Variants in ATP11A observed in about 807,000 individuals in gnomAD.
ATP11A encodes the protein phospholipid-transporting ATPase IH.
ATP11A carries 81 observed loss-of-function variants against 154.4 expected under a neutral mutation model. The ratio of observed to expected loss-of-function variants is 0.52; its 90% CI spans 0.44 to 0.63. The LOEUF is 0.63. Ranked by LOEUF, ATP11A falls within the 30% of genes least tolerant of loss-of-function variation. The pLI is 0.00. For missense variants in ATP11A, 1,316 were observed against 1,474.3 expected, an observed-to-expected ratio of 0.89 and a Z score of 1.76; for synonymous variants, 623 against 585.9, an observed-to-expected ratio of 1.06 and a Z score of -0.91.
intron 2 of ATP11A, among the ~76,000 whole-genome samples, chr13:112,794,981 C>T (rs868839307): frequency 2.1e-4 from 32 of 152,310 alleles, no homozygotes; most frequent in African/African-American, 7.2e-4. Context: ...CGGTGGCTCA[C>T]GCCTGTAATT....
intron 1 of ATP11A, among the ~76,000 whole-genome samples, chr13:112,719,160 A>G (rs1233260486): frequency 6.6e-6 from 1 of 151,750 alleles, no homozygotes; most frequent in Admixed American, 6.6e-5. Flanking sequence ...TGTGACGCGC[A>G]GGTGTGACTT....
chr13:112,836,306 T>C lies in ATP11A; in HGVS notation c.1705+55T>C, dbSNP rs1594126336. 6.5e-6 allele frequency: 7 copies of C among 1,075,972 alleles called. No homozygotes were observed. In the South Asian group the frequency reaches 9.1e-5, roughly 14 times the overall value. The allele number at this position is 1,075,972 out of a possible 1,614,324, so 66.7% of individuals were successfully genotyped here. ...AGTTATACGTGGTGGTTGTGTTTTA[T>C]TCTGATGACTAAATTCTACAGGAGC... On this transcript the variant is annotated intron_variant, in intron 16 of 29. Coordinates refer to ENST00000375645, the MANE Select transcript of ATP11A (RefSeq NM_015205.3).
At chr13:112,802,949 A>G (rs1302367115) in intron 2 of ATP11A, among the ~76,000 whole-genome samples, 1 of 152,198 alleles carries the variant, frequency 6.6e-6, no homozygotes, top group Non-Finnish European at 1.5e-5. Context: ...TAGGGAGGAC[A>G]TGGAAAGTTA....
chr13:112,772,913 C>T (rs1194410703), intron 1 of ATP11A, among the ~76,000 whole-genome samples: 1 of 152,200 alleles, frequency 6.6e-6, no homozygotes, highest in Non-Finnish European at 1.5e-5. Context: ...GTATATATTC[C>T]AGGTACAATC....
intron 1 of ATP11A, among the ~76,000 whole-genome samples, chr13:112,783,824 G>A (rs1336745022): frequency 3.3e-5 from 5 of 152,196 alleles, no homozygotes; most frequent in Non-Finnish European, 7.3e-5. Flanking sequence ...CAAATGGCCC[G>A]CCTGAGTGTT....
At chr13:112,709,517 C>G (rs1248484021) in intron 1 of ATP11A, among the ~76,000 whole-genome samples, 2 of 152,096 alleles carry the variant, frequency 1.3e-5, no homozygotes, top group Non-Finnish European at 2.9e-5. Context: ...CTCTGAAGTC[C>G]GCTATCTAAG....
intron 29 of ATP11A, chr13:112,881,045 T>G: frequency 4.0e-6 from 4 of 988,488 alleles, no homozygotes; most frequent in Non-Finnish European, 2.4e-6. Context: ...CCCAGGCAGG[T>G]GTGAGTGCAG....
chr13:112,823,149 A>G (rs917683472), intron 8 of ATP11A, among the ~76,000 whole-genome samples, 196 bp from the exon 9 acceptor site: 1 of 152,192 alleles, frequency 6.6e-6, no homozygotes, highest in Admixed American at 6.5e-5. Flanking sequence ...TTCGTCCCCC[A>G]AAGATAAGCC....
At chr13:112,855,085 G>A (rs951233235) in intron 19 of ATP11A, among the ~76,000 whole-genome samples, 4 of 152,230 alleles carry the variant, frequency 2.6e-5, no homozygotes, top group African/African-American at 9.6e-5. Flanking sequence ...TGTACATAAA[G>A]CGAAAGCAGC....
chr13:112,864,505 A>G lies in ATP11A; in HGVS notation c.2991+1930A>G, dbSNP rs1241301335. 3.1e-4 allele frequency among the ~76,000 whole-genome samples: 22 copies of G among 71,876 alleles called. 1 individual carries two copies. Among genetic ancestry groups the G allele is most frequent in the East Asian group, 5.8e-4 (1 of 1,722 alleles). 47.2% of individuals were successfully genotyped at this position (71,876 alleles called of 152,430 possible). On this transcript the variant is annotated intron_variant, in intron 25 of 29. Coordinates refer to ENST00000375645, the MANE Select transcript of ATP11A (RefSeq NM_015205.3). Reference sequence around the variant, plus strand: ...CACCACATGCACAGTAATTCAGTGCAGCCCGTGCAGCTTCCCAGCGGGGTC... The same window carrying G: ...CACCACATGCACAGTAATTCAGTGCGGCCCGTGCAGCTTCCCAGCGGGGTC...
intron 1 of ATP11A, among the ~76,000 whole-genome samples, chr13:112,752,217 A>C (rs2076709892): frequency 6.6e-6 from 1 of 152,226 alleles, no homozygotes; most frequent in African/African-American, 2.4e-5. Context: ...CAGAGAAGTC[A>C]CAACAGTGAC....
At chr13:112,817,096 TACAAG>T (rs1158945674) in intron 6 of ATP11A, among the ~76,000 whole-genome samples, 26 of 152,338 alleles carry the variant, frequency 1.7e-4, no homozygotes, top group African/African-American at 6.3e-4. Flanking sequence ...TTGTCAATCA[TACAAG>T]AAAAGATATA....
rs1020416606 is a variant in ATP11A, at chr13:112,878,472, C to T, written c.*9+169C>T. The T allele has an allele frequency of 4.7e-5, 31 of 656,016 alleles. 1 individual carries two copies. In the Admixed American group the frequency reaches 6.8e-4, roughly 14 times the overall value. The allele number at this position is 656,016 out of a possible 1,614,324, so 40.6% of individuals were successfully genotyped here. ...GCCACCACTTACACCTTCTCATGCACAGACTGATCATGGGCTGTGCTTTCC... is the reference window on the plus strand; with the variant it reads ...GCCACCACTTACACCTTCTCATGCATAGACTGATCATGGGCTGTGCTTTCC... On this transcript the variant is annotated intron_variant, in intron 29 of 29. Transcript: ENST00000375645.
At chr13:112,708,049 G>C (rs192243944) in intron 1 of ATP11A, among the ~76,000 whole-genome samples, 2 of 152,274 alleles carry the variant, frequency 1.3e-5, no homozygotes, top group Admixed American at 1.3e-4. Context: ...CGCACGTCAC[G>C]CAACCAACAC....
chr13:112,728,518 G>C (rs1223540465), intron 1 of ATP11A, among the ~76,000 whole-genome samples: 1 of 145,368 alleles, frequency 6.9e-6, no homozygotes, highest in African/African-American at 2.6e-5. Flanking sequence ...CAGTATCCAC[G>C]CGTGGAGGGG....
intron 25 of ATP11A, among the ~76,000 whole-genome samples, chr13:112,865,263 G>A (rs1180399374): frequency 3.8e-3 from 154 of 40,494 alleles, no homozygotes; most frequent in Middle Eastern, 0.02. Context: ...AATTCAGTGC[G>A]GCCCATGCAG....
chr13:112,753,562 A>G lies in ATP11A; in HGVS notation c.40-31573A>G, dbSNP rs1367968855. On this transcript the variant is annotated intron_variant, in intron 1 of 29. Coordinates refer to ENST00000375645, the MANE Select transcript of ATP11A (RefSeq NM_015205.3). This position sits in a 1 kb window ranked among gnomAD's most constrained non-coding sequence, Gnocchi z 4.1. Reference sequence around the variant, plus strand: ...TCTCCTGCTAACAGGCAGGTTGAGAATCTTTTTATGTGTTTAAGTCCATTT... The same window carrying G: ...TCTCCTGCTAACAGGCAGGTTGAGAGTCTTTTTATGTGTTTAAGTCCATTT... Among the ~76,000 whole-genome samples the G allele has an allele frequency of 1.3e-5, 2 of 152,198 alleles. No individual in the cohort carries two copies. The highest frequency in any genetic ancestry group is 2.9e-5 in the Non-Finnish European group (2 of 68,038).
At chr13:112,716,484 C>T (rs1311543527) in intron 1 of ATP11A, among the ~76,000 whole-genome samples, 1 of 152,212 alleles carries the variant, frequency 6.6e-6, no homozygotes, top group Non-Finnish European at 1.5e-5. Context: ...CCTCTAGTCT[C>T]CTGGTAGGCA....
At chr13:112,845,751 C>T (rs2079579820) in intron 17 of ATP11A, among the ~76,000 whole-genome samples, 1 of 124,188 alleles carries the variant, frequency 8.1e-6, no homozygotes, top group African/African-American at 3.8e-5. Context: ...GCGGTACTAA[C>T]CAGTCCAGTT....
Sources: gnomAD v4.1 joint callset for allele counts (sites outside exome capture counted in the v4.1 genomes callset) on GRCh38, gnomAD v4.1.1 for gene constraint, Gnocchi (gnomAD v3.1) non-coding constraint, MANE v1.5 for transcripts, NCBI Gene and HGNC (gene_info 2026-07-23, HGNC 2026-07-21) for gene names.